MEI4: variants seen among roughly 807,000 people sequenced by gnomAD.
MEI4 encodes the protein meiosis-specific protein MEI4.
Under a neutral mutation model 31.4 loss-of-function variants are expected in MEI4, and 27 were observed. That is an observed-to-expected ratio of 0.86 (90% confidence interval 0.63 to 1.19). The LOEUF is 1.19. MEI4 is among the 50% of genes most tolerant of loss of function. The pLI, the probability that MEI4 is intolerant of heterozygous loss-of-function variation, is 0.00. For missense variants in MEI4, 329 were observed against 398.9 expected, an observed-to-expected ratio of 0.82 and a Z score of 1.49; for synonymous variants, 122 against 145.4, an observed-to-expected ratio of 0.84 and a Z score of 1.16.
chr6:77,917,795 T>G (rs878991092), intron 4 of MEI4, among the ~76,000 whole-genome samples: 3 of 151,188 alleles, frequency 2.0e-5, no homozygotes, highest in African/African-American at 4.9e-5. Context: ...GTCAATTTTG[T>G]CTTTTCTTGC....
chr6:77,671,335 C>T (rs150535963), intron 1 of MEI4, among the ~76,000 whole-genome samples: 3 of 152,256 alleles, frequency 2.0e-5, no homozygotes, highest in East Asian at 3.9e-4. Flanking sequence ...GTTAGGATTA[C>T]AGGCATGAGC....
intron 3 of MEI4, among the ~76,000 whole-genome samples, chr6:77,817,847 A>G (rs1473057701): frequency 6.6e-6 from 1 of 152,114 alleles, no homozygotes; most frequent in Non-Finnish European, 1.5e-5. Flanking sequence ...GAGAGATTTC[A>G]TATTTCCTGT....
intron 4 of MEI4, among the ~76,000 whole-genome samples, chr6:77,834,751 A>AAAGGCTGGGTTCCAAGG (rs1770172918): frequency 6.6e-6 from 1 of 152,162 alleles, no homozygotes; most frequent in Non-Finnish European, 1.5e-5. Context: ...GGTAAAGATT[A>AAAGGCTGGGTTCCAAGG]AAGGCTGGGT....
intron 2 of MEI4, among the ~76,000 whole-genome samples, chr6:77,699,439 G>A (rs1006068921): frequency 2.0e-5 from 3 of 152,094 alleles, no homozygotes; most frequent in South Asian, 2.1e-4. Context: ...TGATCCGCCC[G>A]CCTCGGCCTC....
intron 1 of MEI4, among the ~76,000 whole-genome samples, chr6:77,681,794 G>C (rs1192676120): frequency 6.6e-6 from 1 of 152,214 alleles, no homozygotes; most frequent in South Asian, 2.1e-4. Context: ...GATGGGAACA[G>C]AAGGAAAAAA....
At position 77,765,416 on chromosome 6, in the gene MEI4, A is replaced by T. The variant is rs13193829; in HGVS notation, c.768+3751A>T. Among the ~76,000 whole-genome samples the T allele has an allele frequency of 5.4e-3, 813 of 149,624 alleles. 21 individuals carry two copies. Among genetic ancestry groups the T allele is most frequent in the African/African-American group, 0.019 (783 of 40,342 alleles). The stretch of plus-strand genomic sequence containing the variant: ...CCATCAGCTGATTTTATTTTTTTTT[A>T]AATTTTATTATTATTATACTTTAAG... On this transcript the variant is annotated intron_variant, in intron 3 of 4. Coordinates refer to ENST00000684080, the MANE Select transcript of MEI4 (RefSeq NM_001322247.2).
chr6:77,883,742 A>ATAAC (rs1554172122), intron 4 of MEI4, among the ~76,000 whole-genome samples: 1 of 139,856 alleles, frequency 7.2e-6, no homozygotes, highest in Non-Finnish European at 1.5e-5. Flanking sequence ...ATATATATAT[A>ATAAC]TAACTTTGTC....
At chr6:77,765,055 G>A (rs893493296) in intron 3 of MEI4, among the ~76,000 whole-genome samples, 2 of 152,236 alleles carry the variant, frequency 1.3e-5, no homozygotes, top group Non-Finnish European at 2.9e-5. Context: ...GTGATCAATA[G>A]CTCGAATTAG....
chr6:77,771,206 A>G (rs899385528), intron 3 of MEI4, among the ~76,000 whole-genome samples: 1 of 152,196 alleles, frequency 6.6e-6, no homozygotes. Flanking sequence ...ATTACTAATC[A>G]TTAGAGAAAT....
At chr6:77,710,595 T>A (rs1766441990) in intron 2 of MEI4, among the ~76,000 whole-genome samples, 2 of 152,096 alleles carry the variant, frequency 1.3e-5, no homozygotes, top group African/African-American at 4.8e-5. Context: ...AGTTTTATTT[T>A]AAAAATTTAT....
At chr6:77,741,573 T>G (rs904811784) in intron 2 of MEI4, among the ~76,000 whole-genome samples, 1 of 152,172 alleles carries the variant, frequency 6.6e-6, no homozygotes, top group African/African-American at 2.4e-5. Context: ...TGATGGGTCA[T>G]GAAGTATCCA....
intron 4 of MEI4, among the ~76,000 whole-genome samples, chr6:77,875,999 C>G (rs1383121976): frequency 6.6e-6 from 1 of 152,076 alleles, no homozygotes; most frequent in Non-Finnish European, 1.5e-5. Flanking sequence ...ACTGACTTCT[C>G]CAAGGTCACA....
upstream of MEI4, among the ~76,000 whole-genome samples, chr6:77,652,437 G>T (rs1768316745): frequency 6.6e-6 from 1 of 152,130 alleles, no homozygotes; most frequent in African/African-American, 2.4e-5. Flanking sequence ...GTCAGGTGGG[G>T]GTGATTGTGT....
intron 1 of MEI4, among the ~76,000 whole-genome samples, chr6:77,666,638 T>C (rs1768638607): frequency 2.6e-5 from 4 of 152,218 alleles, no homozygotes; most frequent in Admixed American, 2.0e-4. Context: ...GTCACATAGC[T>C]GGTAAGGGGC....
chr6:77,864,088 C>T lies in MEI4; in HGVS notation c.900+35026C>T, dbSNP rs1582229092. On this transcript the variant is annotated intron_variant, in intron 4 of 4. Coordinates refer to ENST00000684080, the MANE Select transcript of MEI4 (RefSeq NM_001322247.2). ...AAGAGCTCCTGAAGGAAGCACTAAA[C>T]ATGGAAAGGAACAATCGGTACCAGC... Among the ~76,000 whole-genome samples, 10 of 152,290 alleles carry T rather than the reference C, an allele frequency of 6.6e-5. No individual in the cohort carries two copies. In the South Asian group the frequency reaches 1.9e-3, roughly 28 times the overall value.
At chr6:77,834,221 A>G (rs1434804941) in intron 4 of MEI4, among the ~76,000 whole-genome samples, 4 of 151,966 alleles carry the variant, frequency 2.6e-5, no homozygotes, top group Admixed American at 1.3e-4. Flanking sequence ...TTTCTATGGA[A>G]CCTTTAGAAA....
At chr6:77,672,037 G>A (rs1175365746) in intron 1 of MEI4, among the ~76,000 whole-genome samples, 1 of 152,192 alleles carries the variant, frequency 6.6e-6, no homozygotes, top group Non-Finnish European at 1.5e-5. Flanking sequence ...TATAGAGCTA[G>A]CTCTCTGCCT....
chr6:77,835,148 A>G (rs564739396), intron 4 of MEI4, among the ~76,000 whole-genome samples: 1 of 149,910 alleles, frequency 6.7e-6, no homozygotes, highest in East Asian at 1.9e-4. Context: ...TGAACTAGGA[A>G]TCAATCAGAA....
At chr6:77,730,700 A>G (rs1224304107) in intron 2 of MEI4, among the ~76,000 whole-genome samples, 2 of 151,986 alleles carry the variant, frequency 1.3e-5, no homozygotes, top group African/African-American at 4.8e-5. Flanking sequence ...ATATGTATAC[A>G]TGTGCCATGC....
Sources: gnomAD v4.1 joint callset for allele counts (sites outside exome capture counted in the v4.1 genomes callset) on GRCh38, gnomAD v4.1.1 for gene constraint, MANE v1.5 for transcripts, NCBI Gene and HGNC (gene_info 2026-07-23, HGNC 2026-07-21) for gene names.